Variants in FLVCR2 observed in about 807,000 individuals in gnomAD.
FLVCR2 encodes the protein choline/ethanolamine transporter FLVCR2.
A neutral mutation model predicts 48.9 loss-of-function variants in FLVCR2; 38 were observed. The observed-to-expected ratio is 0.78, with a 90% CI of 0.60 to 1.02. The LOEUF (loss-of-function observed/expected upper bound fraction) is 1.02. Among genes scored for constraint, FLVCR2 ranks in the 50% least tolerant of loss-of-function variants. The pLI is 0.00. For missense variants in FLVCR2, 664 were observed against 663.3 expected, an observed-to-expected ratio of 1.00 and a Z score of -0.01; for synonymous variants, 255 against 257.0, an observed-to-expected ratio of 0.99 and a Z score of 0.07.
chr14:75,620,484 T>A (rs770753587), intron 1 of FLVCR2, among the ~76,000 whole-genome samples: 4 of 152,246 alleles, frequency 2.6e-5, no homozygotes, highest in Non-Finnish European at 5.9e-5. Context: ...TTTGTAATTA[T>A]AATAAACGAT....
rs140376675 is a variant in FLVCR2, at chr14:75,624,626, C to T, written c.826C>T (p.Pro276Ser). The change falls in exon 3 of 10, where the codon CCT (proline) becomes TCT (serine). Residue 276 changes from proline (P) to serine (S), a missense_variant. Coordinates refer to ENST00000238667, the MANE Select transcript of FLVCR2 (RefSeq NM_017791.3). ...TTTCCTTTCAGTGTTCAAGGAGAAACCTAAATATCCCCCCAGCAGGGCCCA... is the reference window on the plus strand; with the variant it reads ...TTTCCTTTCAGTGTTCAAGGAGAAATCTAAATATCCCCCCAGCAGGGCCCA... ...ILVIIVFKEK[P>S]KYPPSRAQSL... 4 of 1,613,924 alleles carry T rather than the reference C, an allele frequency of 2.5e-6. No individual in the cohort carries two copies. Among genetic ancestry groups the T allele is most frequent in the Non-Finnish European group, 3.4e-6 (4 of 1,180,008 alleles).
intron 1 of FLVCR2, among the ~76,000 whole-genome samples, chr14:75,612,676 C>T (rs538792210): frequency 4.4e-4 from 67 of 152,276 alleles, no homozygotes; most frequent in African/African-American, 1.6e-3. Context: ...GTGCTCGGGG[C>T]TCATTCTCAT....
chr14:75,624,348 G>A lies in FLVCR2; in HGVS notation c.812-264G>A, dbSNP rs111569748. 0.059 allele frequency among the ~76,000 whole-genome samples: 8,881 copies of A among 150,572 alleles called. 526 individuals carry two copies. The highest frequency in any genetic ancestry group is 0.33 in the East Asian group (1,706 of 5,116). On this transcript the variant is annotated intron_variant, in intron 2 of 9. Coordinates refer to ENST00000238667, the MANE Select transcript of FLVCR2 (RefSeq NM_017791.3). ...AGCCTGGGTGACAGAGCGAGACTCC[G>A]TCTCAAAAAAAATAAAGAAAAAAAA...
chr14:75,646,050 A>G (rs1174770658), intron 9 of FLVCR2, among the ~76,000 whole-genome samples: 1 of 152,016 alleles, frequency 6.6e-6, no homozygotes, highest in Non-Finnish European at 1.5e-5. Context: ...GTGAGTTTTC[A>G]GCTGTCAGAA....
intron 1 of FLVCR2, among the ~76,000 whole-genome samples, chr14:75,585,503 G>C (rs1035137400): frequency 4.6e-5 from 7 of 152,084 alleles, no homozygotes; most frequent in Admixed American, 6.6e-5. Flanking sequence ...AGGGTGGAAG[G>C]TTGCCCATAG....
At chr14:75,626,629 A>G (rs972969907) in intron 3 of FLVCR2, among the ~76,000 whole-genome samples, 2 of 151,882 alleles carry the variant, frequency 1.3e-5, no homozygotes, top group African/African-American at 4.9e-5. Flanking sequence ...GAGAAGTCCA[A>G]CTAAGGAAGT....
At chr14:75,585,557 GGGGT>G (rs1343369088) in intron 1 of FLVCR2, among the ~76,000 whole-genome samples, 1 of 152,160 alleles carries the variant, frequency 6.6e-6, no homozygotes, top group African/African-American at 2.4e-5. Flanking sequence ...CACAGAGAAG[GGGGT>G]GGGGAGCAGC....
chr14:75,612,417 C>A (rs1300135080), intron 1 of FLVCR2, among the ~76,000 whole-genome samples: 1 of 152,184 alleles, frequency 6.6e-6, no homozygotes, highest in East Asian at 1.9e-4. Context: ...CCAGCTGTAA[C>A]CCTACTCCCT....
At chr14:75,598,541 A>G (rs1889081210) in intron 1 of FLVCR2, among the ~76,000 whole-genome samples, 1 of 152,168 alleles carries the variant, frequency 6.6e-6, no homozygotes, top group African/African-American at 2.4e-5. Flanking sequence ...GCAGTGGCAC[A>G]GTCTCAGCAC....
intron 1 of FLVCR2, among the ~76,000 whole-genome samples, chr14:75,580,518 A>C (rs1594786399): frequency 6.6e-6 from 1 of 152,252 alleles, no homozygotes; most frequent in African/African-American, 2.4e-5. Context: ...GTCCATGTGA[A>C]GAGACCACCA....
chr14:75,636,499 A>G (rs1480216840), intron 5 of FLVCR2, among the ~76,000 whole-genome samples: 1 of 152,034 alleles, frequency 6.6e-6, no homozygotes, highest in African/African-American at 2.4e-5. Context: ...GGAGGGAGGG[A>G]TGGGAATGCT....
chr14:75,631,506 G>GA (rs1890036751), intron 3 of FLVCR2, among the ~76,000 whole-genome samples: 1 of 152,204 alleles, frequency 6.6e-6, no homozygotes, highest in African/African-American at 2.4e-5. Flanking sequence ...CAGGACCAGT[G>GA]AGCACTGGTG....
chr14:75,579,229 C>T lies in FLVCR2; in HGVS notation c.257C>T (p.Ala86Val), dbSNP rs974055927. 2 of 1,614,114 alleles carry T rather than the reference C, an allele frequency of 1.2e-6. No homozygotes were observed. The highest frequency in any genetic ancestry group is 1.7e-5 in the Admixed American group (1 of 60,002). ...ATCAAGGTGAGCAGGCGCCGTTGGG[C>T]CGTGGTCCTGGTGTTTAGCTGCTAC... ...SVIKVSRRRW[A>V]VVLVFSCYSM... is the part of the protein sequence containing the mutation. The change falls in exon 1 of 10, where the codon GCC becomes GTC. Residue 86 changes from alanine (A) to valine (V), a missense_variant. Physicochemically the swap from Ala to Val is moderately conservative, Grantham distance 64. Coordinates refer to ENST00000238667, the MANE Select transcript of FLVCR2 (RefSeq NM_017791.3).
chr14:75,629,444 T>A (rs1205367077), intron 3 of FLVCR2, among the ~76,000 whole-genome samples: 1 of 152,236 alleles, frequency 6.6e-6, no homozygotes, highest in Non-Finnish European at 1.5e-5. Context: ...TCCTTTAACT[T>A]TGGCAATGTG....
intron 1 of FLVCR2, among the ~76,000 whole-genome samples, chr14:75,590,318 G>A (rs747367332): frequency 1.8e-4 from 28 of 152,154 alleles, no homozygotes; most frequent in Non-Finnish European, 2.8e-4. Context: ...AGGCACTACC[G>A]CCCAACACTG....
intron 3 of FLVCR2, among the ~76,000 whole-genome samples, chr14:75,625,118 T>C (rs1453240834): frequency 1.3e-5 from 2 of 152,232 alleles, no homozygotes; most frequent in Admixed American, 6.5e-5. Context: ...CCCATTAGAC[T>C]GAACTCTCTG....
At chr14:75,605,696 A>T in intron 1 of FLVCR2, 1 of 1,428,130 alleles carries the variant, frequency 7.0e-7, no homozygotes, top group Non-Finnish European at 9.5e-7. Context: ...AGGAGGGAGG[A>T]GTGTTTGCTT....
chr14:75,579,755 G>A (rs1888548530), intron 1 of FLVCR2, 114 bp downstream of exon 1: 1 of 1,182,076 alleles, frequency 8.5e-7, no homozygotes, highest in Non-Finnish European at 1.2e-6. Context: ...GACTCTGGGT[G>A]ACAGTAACTG....
chr14:75,602,868 G>T (rs192065747), intron 1 of FLVCR2, among the ~76,000 whole-genome samples: 193 of 152,288 alleles, frequency 1.3e-3, no homozygotes, highest in Non-Finnish European at 2.0e-3. Flanking sequence ...ACGAACAAAA[G>T]ATACTCTGCT....
Sources: gnomAD v4.1 joint callset for allele counts (sites outside exome capture counted in the v4.1 genomes callset) on GRCh38, gnomAD v4.1.1 for gene constraint, MANE v1.5 for transcripts, NCBI Gene and HGNC (gene_info 2026-07-23, HGNC 2026-07-21) for gene names.